Variants in CDS2 observed in about 807,000 individuals in gnomAD.
CDS2 encodes the protein CDP-diacylglycerol synthase 2.
CDS2 carries 47 observed loss-of-function variants against 59.0 expected under a neutral mutation model. The ratio of observed to expected loss-of-function variants is 0.80; its 90% CI spans 0.63 to 1.02. The LOEUF is 1.02. CDS2 is among the 50% of genes least tolerant of loss of function. The probability of loss-of-function intolerance (pLI) is 0.00; values close to 1 mark genes in which losing one functional copy is unlikely to be tolerated. For missense variants in CDS2, 356 were observed against 558.9 expected, an observed-to-expected ratio of 0.64 and a Z score of 3.66; for synonymous variants, 207 against 206.4, an observed-to-expected ratio of 1.00 and a Z score of -0.02.
intron 5 of CDS2, among the ~76,000 whole-genome samples, chr20:5,179,769 A>G (rs1464119962): frequency 6.6e-6 from 1 of 152,260 alleles, no homozygotes; most frequent in Non-Finnish European, 1.5e-5. Flanking sequence ...TGTGAGGATT[A>G]AATCAAATAC....
chr20:5,159,910 A>C (rs1003897343), intron 1 of CDS2, among the ~76,000 whole-genome samples: 11 of 152,224 alleles, frequency 7.2e-5, no homozygotes, highest in Admixed American at 5.2e-4. Flanking sequence ...AATTACTGAC[A>C]CATTTTTAAA....
intron 5 of CDS2, among the ~76,000 whole-genome samples, chr20:5,181,148 G>A (rs985984202): frequency 1.6e-4 from 24 of 152,328 alleles, no homozygotes; most frequent in African/African-American, 5.8e-4. Flanking sequence ...AAGCTGATAC[G>A]GGGTCGGTAG....
intron 1 of CDS2, among the ~76,000 whole-genome samples, chr20:5,131,760 T>TGA (rs1443433337): frequency 1.3e-5 from 2 of 152,234 alleles, no homozygotes; most frequent in Non-Finnish European, 2.9e-5. Context: ...ATAAAGGCTG[T>TGA]GTAACTTTGA....
chr20:5,189,976 T>C, intron 12 of CDS2, 126 bp from the exon 13 acceptor site: 1 of 1,388,776 alleles, frequency 7.2e-7, no homozygotes, highest in Admixed American at 2.1e-5. Context: ...ACAGATTTTC[T>C]GAGGCCTCCT....
chr20:5,139,495 A>G (rs2090675916), intron 1 of CDS2, among the ~76,000 whole-genome samples: 1 of 152,194 alleles, frequency 6.6e-6, no homozygotes. Context: ...AGACCATGCC[A>G]TTTGCAAAGA....
chr20:5,173,127 C>T (rs1238195717), intron 1 of CDS2, among the ~76,000 whole-genome samples: 2 of 152,258 alleles, frequency 1.3e-5, no homozygotes, highest in African/African-American at 2.4e-5. Context: ...GCCTCACCAC[C>T]TGGCTTCCCC....
At chr20:5,127,285 G>T in intron 1 of CDS2, 136 bp downstream of exon 1, 1 of 768,632 alleles carries the variant, frequency 1.3e-6, no homozygotes, top group Non-Finnish European at 1.8e-6. Context: ...CGGGTAGCGC[G>T]AAGGGCCCTC....
At position 5,194,659 on chromosome 20, in the gene CDS2, A is replaced by T. The variant is rs1015168776; in HGVS notation, c.*4425A>T. ...GTGTTGGGATTTTGAGGACATGCGG[A>T]TGATTTATGAGAATAGAGGGGCAGA... On this transcript the variant is annotated 3_prime_UTR_variant, in exon 13 of 13. Coordinates refer to ENST00000460006, the MANE Select transcript of CDS2 (RefSeq NM_003818.4). The T allele has an allele frequency of 2.0e-5, 3 of 152,206 alleles. No homozygotes were observed. The highest frequency in any genetic ancestry group is 7.2e-5 in the African/African-American group (3 of 41,442). The allele number at this position is 152,206 out of a possible 1,614,324, so 9.4% of individuals were successfully genotyped here.
intron 4 of CDS2, among the ~76,000 whole-genome samples, chr20:5,177,400 A>G (rs2091002365): frequency 6.6e-6 from 1 of 152,062 alleles, no homozygotes; most frequent in South Asian, 2.1e-4. Context: ...GGCAGGAGTG[A>G]GGCTGAATGC....
At position 5,190,415 on chromosome 20, in the gene CDS2, GA is replaced by G. The variant is rs2091105311; in HGVS notation, c.*183del. Reference sequence around the variant, plus strand: ...TCTGTATATACAGTCTATGTGTTTAGAATTTGTGTTGTAAGTAAACTACAGC... The same window carrying G: ...TCTGTATATACAGTCTATGTGTTTAGATTTGTGTTGTAAGTAAACTACAGC... On this transcript the variant is annotated 3_prime_UTR_variant, in exon 13 of 13. Coordinates refer to ENST00000460006, the MANE Select transcript of CDS2 (RefSeq NM_003818.4). 1 of 481,872 alleles carries G rather than the reference GA, an allele frequency of 2.1e-6. No homozygotes were observed. Among genetic ancestry groups the G allele is most frequent in the African/African-American group, 2.0e-5 (1 of 49,542 alleles). The allele number at this position is 481,872 out of a possible 1,614,324, so 29.8% of individuals were successfully genotyped here. A position where few individuals can be genotyped will look rare whatever the true frequency, so the allele number is the denominator to read the frequency against.
intron 1 of CDS2, among the ~76,000 whole-genome samples, chr20:5,158,654 A>G (rs2090852672): frequency 6.6e-6 from 1 of 152,206 alleles, no homozygotes; most frequent in Non-Finnish European, 1.5e-5. Flanking sequence ...TTGGTTTGAT[A>G]TGTACAAACA....
At chr20:5,130,722 C>G (rs6053128) in intron 1 of CDS2, among the ~76,000 whole-genome samples, 32,828 of 150,044 alleles carry the variant, frequency 0.22, 6,204 homozygotes, top group African/African-American at 0.52. Context: ...GGCAGAGGTT[C>G]CGGTGAGCCG....
In CDS2 at chr20:5,182,458, C is replaced by T. The variant is rs759929322; in HGVS notation, c.588+13C>T. 88 of 1,606,326 alleles carry T rather than the reference C, an allele frequency of 5.5e-5. No homozygotes were observed. The highest frequency in any genetic ancestry group is 3.9e-4 in the Admixed American group (23 of 59,064). Reference sequence around the variant, plus strand: ...GCAGTTCTACATGGTAAAGGAAATGCATGCGTGTGTGTCAGAATTCTTGAT... The same window carrying T: ...GCAGTTCTACATGGTAAAGGAAATGTATGCGTGTGTGTCAGAATTCTTGAT... On this transcript the variant is annotated intron_variant, in intron 6 of 12. Coordinates refer to ENST00000460006, the MANE Select transcript of CDS2 (RefSeq NM_003818.4).
At chr20:5,160,203 C>T (rs201963680) in intron 1 of CDS2, among the ~76,000 whole-genome samples, 9 of 152,282 alleles carry the variant, frequency 5.9e-5, no homozygotes, top group Admixed American at 1.3e-4. Flanking sequence ...AGGGGAGAGC[C>T]GGCATCTCTG....
At chr20:5,177,007 C>T (rs550519112) in intron 4 of CDS2, among the ~76,000 whole-genome samples, 102 of 152,260 alleles carry the variant, frequency 6.7e-4, no homozygotes, top group Middle Eastern at 3.4e-3. Context: ...GCCACAGACT[C>T]GCACAGTGCC....
chr20:5,165,864 A>G (rs1479610914), intron 1 of CDS2, among the ~76,000 whole-genome samples: 1 of 152,244 alleles, frequency 6.6e-6, no homozygotes, highest in Non-Finnish European at 1.5e-5. Context: ...GTAGGAACAC[A>G]GGAGCAAAAG....
chr20:5,187,870 A>G lies in CDS2; in HGVS notation c.981+1031A>G, dbSNP rs1206946068. The G allele has an allele frequency of 3.4e-5, 5 of 147,988 alleles. No homozygotes were observed. In the Admixed American group the frequency reaches 3.4e-4, roughly 10 times the overall value. 9.2% of individuals were successfully genotyped at this position (147,988 alleles called of 1,614,324 possible). ...GCACTCCAGCCTGGGTGACAGAGTG[A>G]GACTGTCTCAAAAAAAAAAAAAAAA... is the stretch of plus-strand genomic sequence containing the variant. On this transcript the variant is annotated intron_variant, in intron 10 of 12. Transcript: ENST00000460006.
At chr20:5,143,761 C>T (rs2090715844) in intron 1 of CDS2, among the ~76,000 whole-genome samples, 1 of 131,516 alleles carries the variant, frequency 7.6e-6, no homozygotes, top group South Asian at 2.5e-4. Flanking sequence ...TCTTTTTCTT[C>T]TTCTTCTTTT....
chr20:5,179,034 T>C, intron 5 of CDS2, 78 bp downstream of exon 5: 5 of 1,397,354 alleles, frequency 3.6e-6, no homozygotes, highest in Non-Finnish European at 5.1e-6. Flanking sequence ...GGGGAATTTC[T>C]TGGTTAGTAT....
Sources: gnomAD v4.1 joint callset for allele counts (sites outside exome capture counted in the v4.1 genomes callset) on GRCh38, gnomAD v4.1.1 for gene constraint, MANE v1.5 for transcripts, NCBI Gene and HGNC (gene_info 2026-07-23, HGNC 2026-07-21) for gene names.